CD226: variants seen among roughly 807,000 people sequenced by gnomAD.
CD226 encodes the protein CD226 antigen.
CD226 carries 24 observed loss-of-function variants against 34.9 expected under a neutral mutation model. The ratio of observed to expected loss-of-function variants is 0.69; its 90% CI spans 0.50 to 0.97. The LOEUF (loss-of-function observed/expected upper bound fraction) is 0.97, where lower values mean the gene tolerates loss of function less well. Among genes scored for constraint, CD226 ranks in the 50% least tolerant of loss-of-function variants. The pLI is 0.00. For missense variants in CD226, 397 were observed against 412.7 expected (o/e 0.96, Z 0.33); for synonymous variants, 148 against 147.4 (o/e 1.00, Z -0.03).
intron 2 of CD226, among the ~76,000 whole-genome samples, chr18:69,900,360 A>G (rs1386720965): frequency 6.6e-6 from 1 of 152,166 alleles, no homozygotes; most frequent in Admixed American, 6.5e-5. Context: ...ATGAAATAAT[A>G]TGTACAATGA....
intron 3 of CD226, among the ~76,000 whole-genome samples, chr18:69,881,671 T>C (rs1290975249): frequency 2.0e-5 from 3 of 152,200 alleles, no homozygotes; most frequent in Admixed American, 6.5e-5. Context: ...TTGTTTCTAT[T>C]TTTTTCATGT....
chr18:69,869,843 C>A (rs1179261919), intron 4 of CD226, among the ~76,000 whole-genome samples: 2 of 147,936 alleles, frequency 1.4e-5, no homozygotes, highest in Non-Finnish European at 3.0e-5. Context: ...CTCTGTCACC[C>A]AGGCTGGGAT....
chr18:69,921,479 T>C (rs897867412), intron 2 of CD226, among the ~76,000 whole-genome samples: 3 of 152,086 alleles, frequency 2.0e-5, no homozygotes, highest in Admixed American at 6.5e-5. Context: ...ATTGTAAGCA[T>C]CTCCACAGAA....
At position 69,887,172 on chromosome 18, in the gene CD226, T is replaced by C. The variant is rs17081792; in HGVS notation, c.727+8529A>G. Among the ~76,000 whole-genome samples the C allele has an allele frequency of 6.2e-3, 949 of 152,358 alleles. 33 individuals are homozygous for C. The East Asian group carries it at 0.094, about 15-fold the overall frequency. On this transcript the variant is annotated intron_variant, in intron 3 of 5. Transcript: ENST00000582621. ...TGTTTGGATTAAAATATTTGGGATT[T>C]GGCATGTGTGCATATGGTAAGTGTG...
chr18:69,895,908 C>T lies in CD226; in HGVS notation c.520G>A (p.Asp174Asn), dbSNP rs753428949. ...ACCAAGTTGCAGTAAGTTAAGAGGTCGATCTGACGGGGCTGGATCTTTTCC... is the reference window on the plus strand; with the variant it reads ...ACCAAGTTGCAGTAAGTTAAGAGGTTGATCTGACGGGGCTGGATCTTTTCC... ...RWEKIQPRQI[D>N]LLTYCNLVHG... Residue 174 changes from aspartate to asparagine, a missense_variant, in exon 3 of 6, where the codon GAC becomes AAC. By Grantham distance (23) the Asp-to-Asn change is conservative. Transcript: ENST00000582621. The T allele has an allele frequency of 6.2e-6, 10 of 1,614,142 alleles. No individual in the cohort carries two copies. Among genetic ancestry groups the T allele is most frequent in the South Asian group, 2.2e-5 (2 of 91,080 alleles).
chr18:69,879,416 T>G (rs187879103), intron 3 of CD226, among the ~76,000 whole-genome samples: 102 of 152,000 alleles, frequency 6.7e-4, no homozygotes, highest in African/African-American at 2.4e-3. Flanking sequence ...CCCAGGGCTG[T>G]GAATTATTAA....
At position 69,854,065 on chromosome 18, in the gene CD226, T is replaced by C. The variant is rs907556384; in HGVS notation, c.*10249A>G. On this transcript the variant is annotated 3_prime_UTR_variant, in exon 6 of 6. Coordinates refer to ENST00000582621, the MANE Select transcript of CD226 (RefSeq NM_001303618.2). ...ATAACAAAAAACATATGTGTTAAAA[T>C]GTTTATACATGGAGATCGACTTCTG... 10 of 151,244 alleles carry C rather than the reference T, an allele frequency of 6.6e-5. No homozygotes were observed. The highest frequency in any genetic ancestry group is 2.4e-4 in the African/African-American group (10 of 41,100). The allele number at this position is 151,244 out of a possible 1,614,324, so 9.4% of individuals were successfully genotyped here.
rs1982591826 is a variant in CD226, at chr18:69,855,694, T to C, written c.*8620A>G. On this transcript the variant is annotated 3_prime_UTR_variant, in exon 6 of 6. Transcript: ENST00000582621. Reference sequence around the variant, plus strand: ...ATGAAAGATATGCCACGAGAGAAAATTAAATCATGTAAAAACCCCAGTTAA... The same window carrying C: ...ATGAAAGATATGCCACGAGAGAAAACTAAATCATGTAAAAACCCCAGTTAA... The C allele has an allele frequency of 6.6e-6, 1 of 151,046 alleles. No individual in the cohort carries two copies. The highest frequency in any genetic ancestry group is 2.4e-5 in the African/African-American group (1 of 41,012). The allele number at this position is 151,046 out of a possible 1,614,324, so 9.4% of individuals were successfully genotyped here.
chr18:69,939,900 C>A (rs906685336), intron 2 of CD226, among the ~76,000 whole-genome samples: 7 of 152,188 alleles, frequency 4.6e-5, no homozygotes, highest in African/African-American at 1.4e-4. Context: ...TGCAAGCCCA[C>A]ACTGCAAATT....
chr18:69,909,729 G>A (rs907390429), intron 2 of CD226, among the ~76,000 whole-genome samples: 2 of 152,186 alleles, frequency 1.3e-5, no homozygotes, highest in Admixed American at 6.5e-5. Flanking sequence ...AATTAAAGGA[G>A]ATAATAATAC....
In CD226 at chr18:69,886,687, C is replaced by G. The variant is rs184464867; in HGVS notation, c.727+9014G>C. ...TGCCATTGCACTCCAGCCTGGGCAACAGAGTGAGAACCTGTCTCAAAAAAA... is the reference window on the plus strand; with the variant it reads ...TGCCATTGCACTCCAGCCTGGGCAAGAGAGTGAGAACCTGTCTCAAAAAAA... On this transcript the variant is annotated intron_variant, in intron 3 of 5. Transcript: ENST00000582621. 1.3e-3 allele frequency among the ~76,000 whole-genome samples: 202 copies of G among 150,706 alleles called. 1 individual carries two copies. The highest frequency in any genetic ancestry group is 4.8e-3 in the African/African-American group (195 of 40,896).
chr18:69,959,626 C>T (rs1235464499), upstream of CD226, among the ~76,000 whole-genome samples: 3 of 103,578 alleles, frequency 2.9e-5, no homozygotes, highest in African/African-American at 7.6e-5. Context: ...AATTCAGCTA[C>T]TAAGTGGAAA....
intron 2 of CD226, among the ~76,000 whole-genome samples, chr18:69,912,387 GT>G (rs1221558550): frequency 6.6e-6 from 1 of 152,204 alleles, no homozygotes; most frequent in Non-Finnish European, 1.5e-5. Flanking sequence ...CTGCAATGTT[GT>G]CATAAAGTGA....
intron 2 of CD226, among the ~76,000 whole-genome samples, chr18:69,921,350 C>T (rs751405972): frequency 3.3e-5 from 5 of 152,134 alleles, no homozygotes; most frequent in East Asian, 1.9e-4. Context: ...ACCCTGAAGG[C>T]CTCCTCGCAT....
At chr18:69,908,759 A>C (rs2055287331) in intron 2 of CD226, among the ~76,000 whole-genome samples, 1 of 152,204 alleles carries the variant, frequency 6.6e-6, no homozygotes, top group African/African-American at 2.4e-5. Context: ...AAAATCCTAT[A>C]TGATTTTATT....
At chr18:69,889,355 C>T (rs927437454) in intron 3 of CD226, among the ~76,000 whole-genome samples, 12 of 152,098 alleles carry the variant, frequency 7.9e-5, no homozygotes, top group African/African-American at 2.9e-4. Flanking sequence ...AGGTTCACCA[C>T]ACAATGTCAT....
chr18:69,934,277 G>GACAC lies in CD226; in HGVS notation c.382+12456_382+12457insGTGT, dbSNP rs1555684024. On this transcript the variant is annotated intron_variant, in intron 2 of 5. Coordinates refer to ENST00000582621, the MANE Select transcript of CD226 (RefSeq NM_001303618.2). Reference sequence around the variant, plus strand: ...AGGAAATGATCCTGTCCACACAGAGGATACACACACACACACACACACACA... The same window carrying GACAC: ...AGGAAATGATCCTGTCCACACAGAGGACACATACACACACACACACACACACACA... Among the ~76,000 whole-genome samples, 9 of 44,562 alleles carry GACAC rather than the reference G, an allele frequency of 2.0e-4. No individual in the cohort carries two copies. In the East Asian group the frequency reaches 4.5e-3, roughly 22 times the overall value. 29.2% of individuals were successfully genotyped at this position (44,562 alleles called of 152,430 possible). A position where few individuals can be genotyped will look rare whatever the true frequency, so the allele number is the denominator to read the frequency against.
intron 2 of CD226, among the ~76,000 whole-genome samples, chr18:69,937,659 T>A (rs1317229331): frequency 6.6e-6 from 1 of 152,226 alleles, no homozygotes; most frequent in Admixed American, 6.5e-5. Context: ...AGTGAATTAA[T>A]GGATAAGTGG....
At chr18:69,926,135 T>C (rs1319699108) in intron 2 of CD226, among the ~76,000 whole-genome samples, 1 of 151,978 alleles carries the variant, frequency 6.6e-6, no homozygotes, top group Non-Finnish European at 1.5e-5. Flanking sequence ...AGAGTGAGAC[T>C]CCATCTCAAA....
Sources: gnomAD v4.1 joint callset for allele counts (sites outside exome capture counted in the v4.1 genomes callset) on GRCh38, gnomAD v4.1.1 for gene constraint, MANE v1.5 for transcripts, NCBI Gene and HGNC (gene_info 2026-07-23, HGNC 2026-07-21) for gene names.